OTUD7A: variants seen among roughly 807,000 people sequenced by gnomAD.
OTUD7A encodes OTU deubiquitinase 7A, also known as OTU domain-containing protein 7A.
In OTUD7A, 12 loss-of-function variants were observed where a neutral mutation model predicts 65.7. The observed-to-expected ratio is 0.18, with a 90% CI of 0.12 to 0.30. OTUD7A has a LOEUF of 0.30. Among genes scored for constraint, OTUD7A ranks in the 10% least tolerant of loss-of-function variants. The probability of loss-of-function intolerance (pLI) is 1.00; values close to 1 mark genes in which losing one functional copy is unlikely to be tolerated. For synonymous variants in OTUD7A, 641 were observed against 586.3 expected (o/e 1.09, Z -1.35); for missense variants, 1,148 against 1,304.8 (o/e 0.88, Z 1.85).
chr15:31,493,587 A>C (rs1321215798), intron 10 of OTUD7A, among the ~76,000 whole-genome samples: 1 of 152,256 alleles, frequency 6.6e-6, no homozygotes, highest in Non-Finnish European at 1.5e-5. Context: ...TTTCAAATAC[A>C]TATGGAATAT....
intron 3 of OTUD7A, among the ~76,000 whole-genome samples, chr15:31,584,537 G>C (rs1033229887): frequency 2.0e-5 from 3 of 152,184 alleles, no homozygotes; most frequent in Non-Finnish European, 4.4e-5. Context: ...AAGTTACAGG[G>C]GGATGCCTAC....
intron 1 of OTUD7A, among the ~76,000 whole-genome samples, chr15:31,796,282 C>A (rs915753150): frequency 1.3e-5 from 2 of 151,968 alleles, no homozygotes; most frequent in Non-Finnish European, 2.9e-5. Flanking sequence ...GGAATTGGCT[C>A]ACATGATTGC....
intron 3 of OTUD7A, among the ~76,000 whole-genome samples, chr15:31,608,680 T>C (rs1411627602): frequency 3.3e-5 from 5 of 152,228 alleles, no homozygotes; most frequent in African/African-American, 1.2e-4. Context: ...CAGCTGTAGC[T>C]GAGTTCCAGA....
At chr15:31,545,623 T>C (rs1211162050) in intron 5 of OTUD7A, among the ~76,000 whole-genome samples, 1 of 152,036 alleles carries the variant, frequency 6.6e-6, no homozygotes. Flanking sequence ...AAAGAGGATA[T>C]GCAAATGGCC....
intron 1 of OTUD7A, among the ~76,000 whole-genome samples, chr15:31,663,598 T>C (rs1566966068): frequency 1.3e-5 from 2 of 152,192 alleles, no homozygotes; most frequent in South Asian, 2.1e-4. Flanking sequence ...ACCATGTCCC[T>C]GCAAAGGACA....
At chr15:31,582,465 C>T (rs1267782952) in intron 3 of OTUD7A, among the ~76,000 whole-genome samples, 1 of 152,162 alleles carries the variant, frequency 6.6e-6, no homozygotes, top group Admixed American at 6.5e-5. Context: ...AAAGACATAC[C>T]AGAGACTGGG....
At chr15:31,527,526 A>G (rs1441990107) in intron 6 of OTUD7A, among the ~76,000 whole-genome samples, 1 of 152,266 alleles carries the variant, frequency 6.6e-6, no homozygotes, top group Non-Finnish European at 1.5e-5. Flanking sequence ...TGTTCTTAGC[A>G]AAACAATAGT....
At chr15:31,658,801 G>A (rs921380741) in intron 1 of OTUD7A, among the ~76,000 whole-genome samples, 3 of 151,224 alleles carry the variant, frequency 2.0e-5, no homozygotes, top group Non-Finnish European at 2.9e-5. Context: ...GCCGAGGCTC[G>A]TAGATCACCT....
chr15:31,857,405 G>C (rs557267882), intron 1 of OTUD7A, among the ~76,000 whole-genome samples: 32 of 152,178 alleles, frequency 2.1e-4, no homozygotes, highest in African/African-American at 7.7e-4. Flanking sequence ...CAGGGGCTGG[G>C]AGTATCTCAC....
chr15:31,592,302 T>C (rs1418859440), intron 3 of OTUD7A, among the ~76,000 whole-genome samples: 3 of 152,204 alleles, frequency 2.0e-5, no homozygotes, highest in Non-Finnish European at 1.5e-5. Flanking sequence ...TTACTAACAC[T>C]TAGACTAAAA....
chr15:31,696,432 G>T (rs1459987731), intron 1 of OTUD7A, among the ~76,000 whole-genome samples: 5 of 118,936 alleles, frequency 4.2e-5, no homozygotes, highest in Non-Finnish European at 5.5e-5. Flanking sequence ...GGCAGAATCT[G>T]GGCCCATCGC....
At chr15:31,870,175 G>C (rs1378765913) in intron 1 of OTUD7A, among the ~76,000 whole-genome samples, 2 of 149,946 alleles carry the variant, frequency 1.3e-5, no homozygotes, top group African/African-American at 4.8e-5. Flanking sequence ...GACAGCCAAA[G>C]GGCTGAGCGG....
At chr15:31,834,779 T>C (rs1006169266) in intron 1 of OTUD7A, among the ~76,000 whole-genome samples, 35 of 152,318 alleles carry the variant, frequency 2.3e-4, no homozygotes, top group African/African-American at 8.2e-4. Context: ...TATGTAAAAG[T>C]GGTTATCTGC....
chr15:31,562,506 TC>T (rs1255642177), intron 4 of OTUD7A, among the ~76,000 whole-genome samples: 3 of 151,954 alleles, frequency 2.0e-5, no homozygotes, highest in Non-Finnish European at 2.9e-5. Flanking sequence ...GGCCCATGCT[TC>T]CCCTCACTCC....
chr15:31,492,734 CA>C (rs1276920883), intron 10 of OTUD7A, among the ~76,000 whole-genome samples: 2 of 151,758 alleles, frequency 1.3e-5, no homozygotes, highest in African/African-American at 4.8e-5. Context: ...GATAAGATAG[CA>C]AAAGAGAAAC....
At chr15:31,733,572 C>T (rs1257710662) in intron 1 of OTUD7A, among the ~76,000 whole-genome samples, 2 of 152,214 alleles carry the variant, frequency 1.3e-5, no homozygotes, top group East Asian at 3.8e-4. Flanking sequence ...GCTCTCTATC[C>T]CGAGCATGCC....
chr15:31,515,007 G>C (rs548289654), intron 8 of OTUD7A, among the ~76,000 whole-genome samples: 1 of 152,324 alleles, frequency 6.6e-6, no homozygotes, highest in East Asian at 1.9e-4. Context: ...AAGTGCTTTT[G>C]GAAGTTGCTT....
chr15:31,766,426 TGC>T, intron 1 of OTUD7A: 1 of 1,581,142 alleles, frequency 6.3e-7, no homozygotes, highest in Non-Finnish European at 8.7e-7. Flanking sequence ...AAACTTTGTG[TGC>T]CAGTCAACAC....
intron 1 of OTUD7A, among the ~76,000 whole-genome samples, chr15:31,722,294 C>T (rs1893761234): frequency 6.6e-6 from 1 of 152,176 alleles, no homozygotes; most frequent in Non-Finnish European, 1.5e-5. Flanking sequence ...CCAAGCCTGC[C>T]ACAGCTCCCA....
Sources: allele counts gnomAD v4.1 joint callset (sites outside exome capture counted in the v4.1 genomes callset), GRCh38; gene constraint gnomAD v4.1.1; transcripts MANE v1.5; gene names NCBI Gene and HGNC (gene_info 2026-07-23, HGNC 2026-07-21).